The following DLG2 variants were observed in gnomAD, a reference collection of about 807,000 sequenced individuals.
DLG2 encodes the protein discs large MAGUK scaffold protein 2.
DLG2 carries 45 observed loss-of-function variants against 132.5 expected under a neutral mutation model. The ratio of observed to expected loss-of-function variants is 0.34; its 90% CI spans 0.27 to 0.44. The LOEUF (loss-of-function observed/expected upper bound fraction) is 0.44, where lower values mean the gene tolerates loss of function less well. DLG2 is among the 20% of genes least tolerant of loss of function. DLG2 has a pLI of 1.00. For missense variants in DLG2, 1,045 were observed against 1,196.9 expected, an observed-to-expected ratio of 0.87 and a Z score of 1.87; for synonymous variants, 424 against 419.6, an observed-to-expected ratio of 1.01 and a Z score of -0.13.
chr11:83,763,101 T>G (rs546986049), intron 18 of DLG2, among the ~76,000 whole-genome samples: 2 of 152,328 alleles, frequency 1.3e-5, no homozygotes, highest in East Asian at 1.9e-4. Context: ...GGGACATCAG[T>G]TCTCCCCTAT....
At chr11:83,838,221 T>C (rs1278752264) in intron 16 of DLG2, among the ~76,000 whole-genome samples, 2 of 152,202 alleles carry the variant, frequency 1.3e-5, no homozygotes, top group Non-Finnish European at 1.5e-5. Flanking sequence ...GATGATTGGA[T>C]AGATGGGTAG....
At chr11:84,681,074 G>A (rs940418765) in intron 6 of DLG2, among the ~76,000 whole-genome samples, 3 of 152,116 alleles carry the variant, frequency 2.0e-5, no homozygotes, top group Non-Finnish European at 4.4e-5. Flanking sequence ...CAAATTATAT[G>A]ACTTCATTGA....
intron 3 of DLG2, among the ~76,000 whole-genome samples, chr11:85,511,820 G>C (rs1035700892): frequency 6.6e-6 from 1 of 151,270 alleles, no homozygotes; most frequent in Non-Finnish European, 1.5e-5. Context: ...CTGGGCTTAA[G>C]TGATCCTCCA....
chr11:83,768,041 T>C (rs1326825963), intron 18 of DLG2, among the ~76,000 whole-genome samples: 2 of 152,212 alleles, frequency 1.3e-5, no homozygotes, highest in Non-Finnish European at 2.9e-5. Context: ...TAGTGGCTCA[T>C]TAATTAAGCC....
At chr11:84,551,296 A>G (rs2099401322) in intron 6 of DLG2, among the ~76,000 whole-genome samples, 1 of 152,214 alleles carries the variant, frequency 6.6e-6, no homozygotes, top group South Asian at 2.1e-4. Context: ...TGGAAATAAT[A>G]AAAGCATATT....
intron 14 of DLG2, among the ~76,000 whole-genome samples, chr11:83,933,073 C>G (rs1290446680): frequency 1.3e-5 from 2 of 152,156 alleles, no homozygotes; most frequent in Admixed American, 1.3e-4. Context: ...TCTTTCCCTG[C>G]AGTTATATTC....
intron 7 of DLG2, among the ~76,000 whole-genome samples, chr11:84,344,447 T>C (rs1334851571): frequency 6.6e-6 from 1 of 152,150 alleles, no homozygotes; most frequent in Non-Finnish European, 1.5e-5. Context: ...ATGACTACCC[T>C]TAAACCTACA....
At chr11:84,051,183 A>C (rs1464593103) in intron 11 of DLG2, among the ~76,000 whole-genome samples, 3 of 151,988 alleles carry the variant, frequency 2.0e-5, no homozygotes, top group Non-Finnish European at 4.4e-5. Flanking sequence ...GTGGGAGTGT[A>C]AACTAGTTCA....
rs111927810 is a variant in DLG2, at chr11:84,018,984, A to G, written c.920-38342T>C. 7.0e-3 allele frequency among the ~76,000 whole-genome samples: 1,068 copies of G among 152,148 alleles called. 15 individuals carry two copies. The highest frequency in any genetic ancestry group is 0.025 in the African/African-American group (1,028 of 41,512). ...TAAAGTCAGATTAGTGGTTACTTTC[A>G]GAAGGAGAGAAAGAACTGTGATTAT... is the stretch of plus-strand genomic sequence containing the variant. On this transcript the variant is annotated intron_variant, in intron 11 of 27. Transcript: ENST00000376104.
chr11:84,037,290 T>C (rs1369546439), intron 11 of DLG2, among the ~76,000 whole-genome samples: 1 of 152,108 alleles, frequency 6.6e-6, no homozygotes, highest in African/African-American at 2.4e-5. Flanking sequence ...TTTTAAAAAA[T>C]CTTCTCCACA....
chr11:85,134,347 G>T (rs1263754316), intron 5 of DLG2, among the ~76,000 whole-genome samples: 1 of 149,456 alleles, frequency 6.7e-6, no homozygotes, highest in South Asian at 2.1e-4. Flanking sequence ...GGCTAAAACG[G>T]TGAAACCCCG....
intron 21 of DLG2, among the ~76,000 whole-genome samples, chr11:83,516,081 G>C (rs971634752): frequency 6.6e-6 from 1 of 152,172 alleles, no homozygotes; most frequent in South Asian, 2.1e-4. Flanking sequence ...GGATATCCTT[G>C]TTAATTTTCT....
intron 14 of DLG2, among the ~76,000 whole-genome samples, chr11:83,944,947 A>G (rs940405301): frequency 3.3e-5 from 5 of 152,214 alleles, no homozygotes; most frequent in African/African-American, 9.7e-5. Flanking sequence ...TGATTTGCCT[A>G]AAATCTGGAA....
At chr11:84,162,821 T>A (rs948950327) in intron 9 of DLG2, among the ~76,000 whole-genome samples, 1 of 152,190 alleles carries the variant, frequency 6.6e-6, no homozygotes, top group Non-Finnish European at 1.5e-5. Flanking sequence ...CATTTGTTTA[T>A]TGGCTTTTTC....
chr11:85,004,230 T>C lies in DLG2; in HGVS notation c.357+107431A>G, dbSNP rs143467342. ...AATGATTTATAATCCTTTGGGTATA[T>C]ACCCAGTAATGGGATTGCTGAGGCA... On this transcript the variant is annotated intron_variant, in intron 6 of 27. Coordinates refer to ENST00000376104, the MANE Select transcript of DLG2 (RefSeq NM_001142699.3). Among the ~76,000 whole-genome samples the C allele has an allele frequency of 6.6e-3, 1,002 of 152,348 alleles. 6 individuals are homozygous for C. Among genetic ancestry groups the C allele is most frequent in the Middle Eastern group, 0.024 (7 of 294 alleles).
intron 18 of DLG2, among the ~76,000 whole-genome samples, chr11:83,676,442 T>C (rs1376279775): frequency 2.0e-5 from 3 of 152,244 alleles, no homozygotes; most frequent in Non-Finnish European, 4.4e-5. Context: ...ATTCCCTTTG[T>C]TGAGCAAGTC....
intron 6 of DLG2, among the ~76,000 whole-genome samples, chr11:84,904,826 G>A (rs772514918): frequency 6.6e-5 from 10 of 152,100 alleles, no homozygotes; most frequent in East Asian, 1.9e-4. Flanking sequence ...ACATTTTCAC[G>A]GTGCAAATAA....
At chr11:85,331,095 C>T (rs537379781) in intron 3 of DLG2, among the ~76,000 whole-genome samples, 1 of 152,080 alleles carries the variant, frequency 6.6e-6, no homozygotes, top group African/African-American at 2.4e-5. Context: ...AAAAATAAAC[C>T]CATAATGTTG....
At chr11:84,037,853 T>C (rs1347612562) in intron 11 of DLG2, among the ~76,000 whole-genome samples, 1 of 152,160 alleles carries the variant, frequency 6.6e-6, no homozygotes, top group Non-Finnish European at 1.5e-5. Context: ...AATTTCATGG[T>C]ACATAGTATT....
Sources: allele counts gnomAD v4.1 joint callset (sites outside exome capture counted in the v4.1 genomes callset), GRCh38; gene constraint gnomAD v4.1.1; transcripts MANE v1.5; gene names NCBI Gene and HGNC (gene_info 2026-07-23, HGNC 2026-07-21).